The following GBF1 variants were observed in gnomAD, a reference collection of about 807,000 sequenced individuals.
GBF1 encodes the protein Golgi-specific brefeldin A-resistance guanine nucleotide exchange factor 1.
A neutral mutation model predicts 210.5 loss-of-function variants in GBF1; 114 were observed. That is an observed-to-expected ratio of 0.54 (90% CI 0.47 to 0.63). The LOEUF is 0.63. Among genes scored for constraint, GBF1 ranks in the 30% least tolerant of loss-of-function variants. The pLI is 0.00. For missense variants in GBF1, 1,851 were observed against 2,357.7 expected, an observed-to-expected ratio of 0.79 and a Z score of 4.45; for synonymous variants, 850 against 889.2, an observed-to-expected ratio of 0.96 and a Z score of 0.78.
intron 3 of GBF1, among the ~76,000 whole-genome samples, chr10:102,313,499 T>C (rs1010149106): frequency 2.0e-5 from 3 of 152,302 alleles, no homozygotes; most frequent in East Asian, 1.9e-4. Flanking sequence ...AGGTTATTTA[T>C]GAGCTCGTCT....
intron 3 of GBF1, among the ~76,000 whole-genome samples, chr10:102,269,440 C>T (rs1376454922): frequency 6.6e-6 from 1 of 152,016 alleles, no homozygotes; most frequent in Non-Finnish European, 1.5e-5. Context: ...TCCAGGTGTC[C>T]TGGAAAGCAG....
At chr10:102,286,194 G>GTTTTTTTTTTTTTTTT (rs55904022) in intron 3 of GBF1, among the ~76,000 whole-genome samples, 1 of 126,370 alleles carries the variant, frequency 7.9e-6, no homozygotes, top group African/African-American at 3.3e-5. Context: ...AAGCATAAGG[G>GTTTTTTTTTTTTTTTT]TTTTTTTTTT....
At chr10:102,237,037 C>T in the GBF1 span, among the ~76,000 whole-genome samples, 125 of 152,266 alleles carry the variant, frequency 8.2e-4, 1 homozygote, top group African/African-American at 2.4e-3. Flanking sequence ...TATTAAGGGA[C>T]GATTCGGGGA....
At chr10:102,345,677 A>C (rs1454344220) in intron 4 of GBF1, among the ~76,000 whole-genome samples, 4 of 150,294 alleles carry the variant, frequency 2.7e-5, no homozygotes, top group African/African-American at 7.3e-5. Context: ...AAAAAAGCAG[A>C]TAGTATTAAC....
Position 102,361,805 on chromosome 10 carries a change from G to C in GBF1, c.1579G>C (p.Val527Leu). ...EMKEMALEAIVQLWRIPSFVT... is the reference protein window; with the variant it reads ...EMKEMALEAILQLWRIPSFVT... ...GAAGGAGATGGCACTGGAGGCCATT[G>C]TGCAGCTCTGGCGCATCCCCAGCTT... is the stretch of plus-strand genomic sequence containing the variant. Residue 527 changes from valine to leucine, a missense_variant, in exon 14 of 40, where the codon GTG becomes CTG. By Grantham distance (32) the Val-to-Leu change is conservative. Around this residue, in one of 3 missense-constraint regions of GBF1, gnomAD observed 804 missense variants for 958.6 expected, o/e 0.84. Coordinates refer to ENST00000369983, the MANE Select transcript of GBF1 (RefSeq NM_001377137.1). The C allele has an allele frequency of 6.2e-7, 1 of 1,613,464 alleles. No homozygotes were observed. The highest frequency in any genetic ancestry group is 2.2e-5 in the East Asian group (1 of 44,882).
rs753297103 is a variant in GBF1, at chr10:102,360,260, C to T, written c.1257C>T (p.His419=). The T allele has an allele frequency of 5.6e-6, 9 of 1,613,478 alleles. No individual in the cohort carries two copies. The Admixed American group carries it at 1.0e-4, about 18-fold the overall frequency. The part of the protein sequence containing the change: ...FRFLISLTNP[H]DRHNSEVMIH... ...TCCTCATCTCCCTCACCAATCCACA[C>T]GACCGCCATAACTCAGAGGTTATGA... The change falls in exon 12 of 40, where the codon CAC becomes CAT. Residue 419 remains histidine, a synonymous_variant. Coordinates refer to ENST00000369983, the MANE Select transcript of GBF1 (RefSeq NM_001377137.1).
At chr10:102,317,595 G>A (rs2055931309) in intron 3 of GBF1, among the ~76,000 whole-genome samples, 1 of 152,120 alleles carries the variant, frequency 6.6e-6, no homozygotes, top group South Asian at 2.1e-4. Flanking sequence ...TCCAGCCTGG[G>A]CGACAAGAGC....
chr10:102,262,625 G>A (rs955861220), intron 3 of GBF1, among the ~76,000 whole-genome samples: 3 of 152,184 alleles, frequency 2.0e-5, no homozygotes, highest in African/African-American at 7.2e-5. Flanking sequence ...GAGGAGCTGA[G>A]GTGGTGCTGC....
At chr10:102,262,751 G>A (rs2073395536) in intron 3 of GBF1, among the ~76,000 whole-genome samples, 1 of 152,196 alleles carries the variant, frequency 6.6e-6, no homozygotes, top group Non-Finnish European at 1.5e-5. Context: ...GGTGAATGAT[G>A]CAGTCTAGGA....
chr10:102,259,263 C>T (rs942495811), intron 2 of GBF1, among the ~76,000 whole-genome samples: 5 of 152,174 alleles, frequency 3.3e-5, no homozygotes, highest in African/African-American at 1.2e-4. Flanking sequence ...TTTTTGTAAA[C>T]AGCTTAAGCT....
At chr10:102,301,406 GA>G (rs1329153434) in intron 3 of GBF1, among the ~76,000 whole-genome samples, 1 of 152,168 alleles carries the variant, frequency 6.6e-6, no homozygotes, top group East Asian at 1.9e-4. Context: ...GCAACAATCT[GA>G]TTTCTCTATC....
chr10:102,323,117 A>C (rs114005015), intron 3 of GBF1, among the ~76,000 whole-genome samples: 1,549 of 151,180 alleles, frequency 0.01, 23 homozygotes, highest in African/African-American at 0.036. Context: ...TGTGGTTTGG[A>C]TGTCTGGTAC....
intron 30 of GBF1, 37 bp downstream of exon 30, chr10:102,375,621 A>C: frequency 7.6e-7 from 1 of 1,322,604 alleles, no homozygotes; most frequent in Non-Finnish European, 1.1e-6. Flanking sequence ...GCTGGCAGAT[A>C]AACAGTTACA....
At chr10:102,301,600 G>T (rs1290208600) in intron 3 of GBF1, among the ~76,000 whole-genome samples, 1 of 152,078 alleles carries the variant, frequency 6.6e-6, no homozygotes, top group Non-Finnish European at 1.5e-5. Context: ...GGGCGGCCGG[G>T]CAGAGACGCT....
upstream of GBF1, among the ~76,000 whole-genome samples, chr10:102,240,724 C>T (rs2070512376): frequency 6.6e-6 from 1 of 152,242 alleles, no homozygotes; most frequent in Non-Finnish European, 1.5e-5. Flanking sequence ...GCCCAGACAC[C>T]CCAAGCCAGA....
At chr10:102,348,628 G>A (rs536563320) in intron 4 of GBF1, among the ~76,000 whole-genome samples, 4 of 152,302 alleles carry the variant, frequency 2.6e-5, no homozygotes, top group East Asian at 1.9e-4. Flanking sequence ...CGGGAGAAAC[G>A]TGGAGAGGTG....
chr10:102,323,259 A>G lies in GBF1; in HGVS notation c.164-20792A>G, dbSNP rs867431435. Among the ~76,000 whole-genome samples, 371 of 151,094 alleles carry G rather than the reference A, an allele frequency of 2.5e-3. 1 individual carries two copies. The highest frequency in any genetic ancestry group is 0.011 in the South Asian group (54 of 4,736). On this transcript the variant is annotated intron_variant, in intron 3 of 39. Transcript: ENST00000369983. ...AAATTGAAAAAAAAAAAAAAAAAAA[A>G]AAGAAGAAGAAGAAGCTTCAAAGCC...
chr10:102,276,254 C>T lies in GBF1; in HGVS notation c.163+16138C>T, dbSNP rs921137756. On this transcript the variant is annotated intron_variant, in intron 3 of 39. Coordinates refer to ENST00000369983, the MANE Select transcript of GBF1 (RefSeq NM_001377137.1). Reference sequence around the variant, plus strand: ...TCCATCTCCAAAAAAAGGCCTGGCGCGGTGGCTCATGCCTGTAATCCCAGC... The same window carrying T: ...TCCATCTCCAAAAAAAGGCCTGGCGTGGTGGCTCATGCCTGTAATCCCAGC... 1.5e-3 allele frequency among the ~76,000 whole-genome samples: 204 copies of T among 139,946 alleles called. 1 individual carries two copies. Among genetic ancestry groups the T allele is most frequent in the African/African-American group, 5.3e-3 (196 of 36,900 alleles). 91.8% of individuals were successfully genotyped at this position (139,946 alleles called of 152,430 possible).
Position 102,366,200 on chromosome 10 carries a change from C to T in GBF1, c.2310-183C>T, listed in dbSNP as rs906367420. Among the ~76,000 whole-genome samples, 4 of 151,922 alleles carry T rather than the reference C, an allele frequency of 2.6e-5. No homozygotes were observed. The highest frequency in any genetic ancestry group is 7.3e-5 in the African/African-American group (3 of 41,344). On this transcript the variant is annotated intron_variant, in intron 18 of 39. Coordinates refer to ENST00000369983, the MANE Select transcript of GBF1 (RefSeq NM_001377137.1). This position sits in a 1 kb window ranked among gnomAD's most constrained non-coding sequence, Gnocchi z 4.0. ...GGGGTGAGGGTTCTAGGCAAGAGTC[C>T]GTGGATGTGAAAAGTATTAAGGCTA...
Sources: gnomAD v4.1 joint callset for allele counts (sites outside exome capture counted in the v4.1 genomes callset) on GRCh38, gnomAD v4.1.1 for gene constraint, gnomAD v4.1.1 regional missense constraint, Gnocchi (gnomAD v3.1) non-coding constraint, MANE v1.5 for transcripts, NCBI Gene and HGNC (gene_info 2026-07-23, HGNC 2026-07-21) for gene names.